HS6ST3: variants seen among roughly 807,000 people sequenced by gnomAD.
The protein encoded by HS6ST3 is heparan-sulfate 6-O-sulfotransferase 3.
Under a neutral mutation model 36.7 loss-of-function variants are expected in HS6ST3, and 12 were observed. That is an observed-to-expected ratio of 0.33 (90% CI 0.21 to 0.53). The LOEUF (loss-of-function observed/expected upper bound fraction) is 0.53. Ranked by LOEUF, HS6ST3 falls within the 20% of genes least tolerant of loss-of-function variation. The pLI is 0.95. For missense variants in HS6ST3, 584 were observed against 640.9 expected, an observed-to-expected ratio of 0.91 and a Z score of 0.96; for synonymous variants, 240 against 257.5, an observed-to-expected ratio of 0.93 and a Z score of 0.65.
intron 1 of HS6ST3, among the ~76,000 whole-genome samples, chr13:96,663,560 G>T (rs1285413351): frequency 2.6e-5 from 4 of 152,156 alleles, no homozygotes; most frequent in Admixed American, 2.6e-4. Context: ...ATGGGAATAT[G>T]CAATGCTACA....
chr13:96,689,606 C>CTTTTTTTTTTTT lies in HS6ST3; in HGVS notation c.708-142879_708-142868dup, dbSNP rs34000071. Among the ~76,000 whole-genome samples, 104 of 101,082 alleles carry CTTTTTTTTTTTT rather than the reference C, an allele frequency of 1.0e-3. 4 individuals carry two copies. The highest frequency in any genetic ancestry group is 3.2e-3 in the East Asian group (11 of 3,428). 66.3% of individuals were successfully genotyped at this position (101,082 alleles called of 152,430 possible). A position where few individuals can be genotyped will look rare whatever the true frequency, so the allele number is the denominator to read the frequency against. On this transcript the variant is annotated intron_variant, in intron 1 of 1. Coordinates refer to ENST00000376705, the MANE Select transcript of HS6ST3 (RefSeq NM_153456.4). ...TTTGTAGTTTTTGCTTTCTTTCTTT[C>CTTTTTTTTTTTT]TTTTTTTTTTTTTTTTGGTGATTGT... is the stretch of plus-strand genomic sequence containing the variant.
intron 1 of HS6ST3, among the ~76,000 whole-genome samples, chr13:96,118,689 T>TATATATATATATATATA (rs1416910167): frequency 3.4e-5 from 1 of 29,546 alleles, no homozygotes; most frequent in Non-Finnish European, 5.5e-5. Context: ...TATATATATA[T>TATATATATATATATATA]TTTTTTTTTT....
intron 1 of HS6ST3, among the ~76,000 whole-genome samples, chr13:96,464,071 G>A (rs1424279995): frequency 9.8e-6 from 1 of 101,806 alleles, no homozygotes; most frequent in Non-Finnish European, 1.7e-5. Flanking sequence ...GACCCTTCTG[G>A]TTTTAAAGCT....
chr13:96,778,888 T>C (rs1444107200), intron 1 of HS6ST3, among the ~76,000 whole-genome samples: 13 of 152,180 alleles, frequency 8.5e-5, no homozygotes. Flanking sequence ...ATTGCAGCAC[T>C]GTTCACAATA....
intron 1 of HS6ST3, among the ~76,000 whole-genome samples, chr13:96,797,428 G>T (rs1446778318): frequency 2.6e-5 from 4 of 151,698 alleles, no homozygotes; most frequent in Admixed American, 2.6e-4. Context: ...TAAACAATTT[G>T]GTTAATTGAG....
At chr13:96,792,537 C>T (rs1156997720) in intron 1 of HS6ST3, among the ~76,000 whole-genome samples, 2 of 151,876 alleles carry the variant, frequency 1.3e-5, no homozygotes, top group African/African-American at 2.4e-5. Context: ...TACTTGGCTT[C>T]AGGCATTAAC....
At chr13:96,298,812 C>G (rs145103061) in intron 1 of HS6ST3, among the ~76,000 whole-genome samples, 12 of 152,222 alleles carry the variant, frequency 7.9e-5, no homozygotes, top group Non-Finnish European at 1.5e-4. Flanking sequence ...AGTACCTATT[C>G]TTTGTCATGC....
chr13:96,263,117 C>G (rs764951023), intron 1 of HS6ST3, among the ~76,000 whole-genome samples: 4 of 152,146 alleles, frequency 2.6e-5, no homozygotes, highest in Non-Finnish European at 5.9e-5. Context: ...TATAGTTACT[C>G]TTGCAAAATA....
intron 1 of HS6ST3, among the ~76,000 whole-genome samples, chr13:96,378,504 T>C (rs550073583): frequency 6.6e-6 from 1 of 152,330 alleles, no homozygotes; most frequent in East Asian, 1.9e-4. Flanking sequence ...CTTGCTTGGC[T>C]TTATCCATCC....
chr13:96,254,354 C>T (rs1035493825), intron 1 of HS6ST3, among the ~76,000 whole-genome samples: 2 of 131,518 alleles, frequency 1.5e-5, no homozygotes, highest in African/African-American at 3.0e-5. Flanking sequence ...GCAGAGGGTG[C>T]AGTGAGCTGA....
chr13:96,304,710 TC>T (rs1158407288), intron 1 of HS6ST3, among the ~76,000 whole-genome samples: 6,385 of 99,284 alleles, frequency 0.064, 263 homozygotes, highest in Non-Finnish European at 0.087. Flanking sequence ...TTTCTTTCTT[TC>T]TTTTTTTTTT....
rs143659954 is a variant in HS6ST3 at position 96,164,871 on chromosome 13, T to C, written c.707+73302T>C. The stretch of plus-strand genomic sequence containing the variant: ...CAGATTTTTTTTTTAATTACAGCTG[T>C]GTTTTCCAGGACTAACAAAGTTTAA... On this transcript the variant is annotated intron_variant, in intron 1 of 1. Transcript: ENST00000376705. Among the ~76,000 whole-genome samples, 895 of 152,294 alleles carry C rather than the reference T, an allele frequency of 5.9e-3. 9 individuals are homozygous for C. Among genetic ancestry groups the C allele is most frequent in the African/African-American group, 0.021 (864 of 41,566 alleles).
At chr13:96,790,220 G>A (rs1877750231) in intron 1 of HS6ST3, among the ~76,000 whole-genome samples, 1 of 149,138 alleles carries the variant, frequency 6.7e-6, no homozygotes, top group Admixed American at 6.8e-5. Context: ...TTCTTAGGTT[G>A]TTATATTTTT....
intron 1 of HS6ST3, among the ~76,000 whole-genome samples, chr13:96,706,442 A>T (rs555729331): frequency 6.8e-5 from 7 of 102,318 alleles, no homozygotes; most frequent in African/African-American, 2.8e-4. Flanking sequence ...TATATATATA[A>T]TCAGGGAAAG....
intron 1 of HS6ST3, among the ~76,000 whole-genome samples, chr13:96,746,653 A>G (rs759234164): frequency 2.0e-5 from 3 of 152,154 alleles, no homozygotes; most frequent in Non-Finnish European, 4.4e-5. Flanking sequence ...AGTCATGAAT[A>G]TTAATAATCA....
rs2054518817 is a variant in HS6ST3, at chr13:96,233,701, A to C, written c.707+142132A>C. On this transcript the variant is annotated intron_variant, in intron 1 of 1. Coordinates refer to ENST00000376705, the MANE Select transcript of HS6ST3 (RefSeq NM_153456.4). ...TGATAGCCATTTGTGTTTACCTGGGAGCTTCACTCAGAAATTAAACTTGAT... is the reference window on the plus strand; with the variant it reads ...TGATAGCCATTTGTGTTTACCTGGGCGCTTCACTCAGAAATTAAACTTGAT... 2.0e-5 allele frequency among the ~76,000 whole-genome samples: 3 copies of C among 152,310 alleles called. No individual in the cohort carries two copies. In the South Asian group the frequency reaches 6.2e-4, roughly 32 times the overall value.
intron 1 of HS6ST3, among the ~76,000 whole-genome samples, chr13:96,510,042 G>A (rs1016455338): frequency 3.9e-5 from 6 of 151,992 alleles, no homozygotes; most frequent in African/African-American, 7.2e-5. Flanking sequence ...GTGGTTCTCC[G>A]TGTAGAGATC....
intron 1 of HS6ST3, among the ~76,000 whole-genome samples, chr13:96,715,162 G>A (rs1308074902): frequency 4.0e-5 from 6 of 151,862 alleles, no homozygotes; most frequent in Non-Finnish European, 8.8e-5. Context: ...CATATATCAC[G>A]ATGGAAAAAT....
At chr13:96,145,447 G>A (rs1470474282) in intron 1 of HS6ST3, among the ~76,000 whole-genome samples, 1 of 152,100 alleles carries the variant, frequency 6.6e-6, no homozygotes, top group African/African-American at 2.4e-5. Context: ...CTGCATAAAT[G>A]TCTTCTTTTG....
Sources: allele counts gnomAD v4.1 joint callset (sites outside exome capture counted in the v4.1 genomes callset), GRCh38; gene constraint gnomAD v4.1.1; transcripts MANE v1.5; gene names NCBI Gene and HGNC (gene_info 2026-07-23, HGNC 2026-07-21).